IQCH: variants seen among roughly 807,000 people sequenced by gnomAD.
IQCH encodes IQ domain-containing protein H.
A neutral mutation model predicts 117.0 loss-of-function variants in IQCH; 98 were observed. That is an observed-to-expected ratio of 0.84 (90% CI 0.71 to 0.99). IQCH has a LOEUF of 0.99. IQCH is among the 50% of genes least tolerant of loss of function. The probability of loss-of-function intolerance (pLI) is 0.00; values close to 1 mark genes in which losing one functional copy is unlikely to be tolerated. For synonymous variants in IQCH, 412 were observed against 448.2 expected (o/e 0.92, Z 1.02); for missense variants, 1,102 against 1,243.8 (o/e 0.89, Z 1.72).
At chr15:67,258,491 A>G (rs1484984833) in intron 1 of IQCH, among the ~76,000 whole-genome samples, 2 of 149,080 alleles carry the variant, frequency 1.3e-5, no homozygotes, top group African/African-American at 5.0e-5. Context: ...AGATCGCGCC[A>G]TTGCACTCCA....
intron 16 of IQCH, among the ~76,000 whole-genome samples, chr15:67,441,464 T>TCACACTA (rs2082269797): frequency 6.6e-6 from 1 of 152,186 alleles, no homozygotes; most frequent in African/African-American, 2.4e-5. Context: ...TCTGGAGGCA[T>TCACACTA]CACACTACCT....
rs2083087535 is a variant in IQCH at position 67,472,226 on chromosome 15, G to A, written c.2677-3470G>A. 6.6e-6 allele frequency among the ~76,000 whole-genome samples: 1 copy of A among 152,196 alleles called. No individual in the cohort carries two copies. Among genetic ancestry groups the A allele is most frequent in the African/African-American group, 2.4e-5 (1 of 41,426 alleles). ...AGGACGTCCCCTAGCAGATGGGACA[G>A]AGTCCAAAGAAACCTGTGGTCTGCT... is the stretch of plus-strand genomic sequence containing the variant. On this transcript the variant is annotated intron_variant, in intron 17 of 20. Coordinates refer to ENST00000335894, the MANE Select transcript of IQCH (RefSeq NM_001031715.3). This position sits in a 1 kb window ranked among gnomAD's most constrained non-coding sequence, Gnocchi z 4.3.
Position 67,491,986 on chromosome 15 carries a change from G to A in IQCH, c.2861+1922G>A, listed in dbSNP as rs540754254. 4.5e-4 allele frequency among the ~76,000 whole-genome samples: 69 copies of A among 152,148 alleles called. No individual in the cohort carries two copies. Among genetic ancestry groups the A allele is most frequent in the African/African-American group, 1.6e-3 (68 of 41,482 alleles). On this transcript the variant is annotated intron_variant, in intron 19 of 20. Coordinates refer to ENST00000335894, the MANE Select transcript of IQCH (RefSeq NM_001031715.3). The surrounding 1 kb of genome is among the most constrained non-coding windows in gnomAD (Gnocchi z 4.9). ...GTCAACTGCTGACAAGCCATGAAAG[G>A]GGAGCAGCAGTTCACTAGTAGCCAG...
chr15:67,425,583 GC>G lies in IQCH; in HGVS notation c.2505+4008del, dbSNP rs1180809101. On this transcript the variant is annotated intron_variant, in intron 16 of 20. Transcript: ENST00000335894. This position sits in a 1 kb window ranked among gnomAD's most constrained non-coding sequence, Gnocchi z 5.5. ...GCCAAGATCGCGCCACTGCACTCCAGCCTGGGCGACAGAGCAAGACTCTGTC... is the reference window on the plus strand; with the variant it reads ...GCCAAGATCGCGCCACTGCACTCCAGCTGGGCGACAGAGCAAGACTCTGTC... Among the ~76,000 whole-genome samples the G allele has an allele frequency of 6.6e-6, 1 of 152,182 alleles. No homozygotes were observed. Among genetic ancestry groups the G allele is most frequent in the East Asian group, 1.9e-4 (1 of 5,202 alleles).
rs1000439058 is a variant in IQCH, at chr15:67,456,609, A to C, written c.2506-8518A>C. 6.6e-6 allele frequency among the ~76,000 whole-genome samples: 1 copy of C among 152,216 alleles called. No homozygotes were observed. Among genetic ancestry groups the C allele is most frequent in the Non-Finnish European group, 1.5e-5 (1 of 68,032 alleles). On this transcript the variant is annotated intron_variant, in intron 16 of 20. Coordinates refer to ENST00000335894, the MANE Select transcript of IQCH (RefSeq NM_001031715.3). This position sits in a 1 kb window ranked among gnomAD's most constrained non-coding sequence, Gnocchi z 5.1. ...TCTATTCCATGAGGATAATCATGGA[A>C]TATGATTTAGACATAACTGTATTAG...
Position 67,447,684 on chromosome 15 carries a change from G to A in IQCH, c.2506-17443G>A, listed in dbSNP as rs896200675. 6.6e-6 allele frequency among the ~76,000 whole-genome samples: 1 copy of A among 151,828 alleles called. No individual in the cohort carries two copies. The highest frequency in any genetic ancestry group is 2.4e-5 in the African/African-American group (1 of 41,174). On this transcript the variant is annotated intron_variant, in intron 16 of 20. Transcript: ENST00000335894. The surrounding 1 kb of genome is among the most constrained non-coding windows in gnomAD (Gnocchi z 5.3). ...GGACAGGAGAAGGTGGAAACATCTG[G>A]GACAAAGCTTTTCTGAGCCACCGGC...
At position 67,391,222 on chromosome 15, in the gene IQCH, A is replaced by G. The variant is rs187566635; in HGVS notation, c.1632+2216A>G. Among the ~76,000 whole-genome samples, 3 of 152,308 alleles carry G rather than the reference A, an allele frequency of 2.0e-5. No homozygotes were observed. The highest frequency in any genetic ancestry group is 3.9e-4 in the East Asian group (2 of 5,140). ...AGTAGAAACAAGTAGGCAAGGTTTT[A>G]AGTACTTAATAGTTCTCATAGCTCA... On this transcript the variant is annotated intron_variant, in intron 12 of 20. Coordinates refer to ENST00000335894, the MANE Select transcript of IQCH (RefSeq NM_001031715.3). This position sits in a 1 kb window ranked among gnomAD's most constrained non-coding sequence, Gnocchi z 4.3.
intron 16 of IQCH, among the ~76,000 whole-genome samples, chr15:67,439,684 G>T (rs929153593): frequency 2.6e-5 from 4 of 152,052 alleles, no homozygotes; most frequent in Non-Finnish European, 1.5e-5. Flanking sequence ...TCAAGAGTTT[G>T]AGACCAGCGT....
rs1490868180 is a variant in IQCH at position 67,381,572 on chromosome 15, C to T, written c.1373-3364C>T. ...GCTAATGAGGACCTGGAAAAAGCTA[C>T]AAATCCCACTTACCATTCTTTGAAT... On this transcript the variant is annotated intron_variant, in intron 10 of 20. Transcript: ENST00000335894. The surrounding 1 kb of genome is among the most constrained non-coding windows in gnomAD (Gnocchi z 5.1). 6.6e-6 allele frequency among the ~76,000 whole-genome samples: 1 copy of T among 152,164 alleles called. No individual in the cohort carries two copies. The highest frequency in any genetic ancestry group is 1.5e-5 in the Non-Finnish European group (1 of 68,022).
chr15:67,285,334 A>G (rs906335128), intron 4 of IQCH, among the ~76,000 whole-genome samples: 10 of 151,264 alleles, frequency 6.6e-5, no homozygotes, highest in Non-Finnish European at 1.5e-5. Context: ...TAAGTTCCTT[A>G]CAGATGCATC....
intron 12 of IQCH, among the ~76,000 whole-genome samples, chr15:67,389,934 GAGTTTCTAT>G (rs1971232218): frequency 6.6e-6 from 1 of 151,656 alleles, no homozygotes; most frequent in Non-Finnish European, 1.5e-5. Context: ...AGGACTGGGG[GAGTTTCTAT>G]AGCATTTCTA....
chr15:67,319,753 C>A (rs1388897509), intron 4 of IQCH, among the ~76,000 whole-genome samples: 2 of 152,092 alleles, frequency 1.3e-5, no homozygotes, highest in Non-Finnish European at 2.9e-5. Context: ...TCCCAATTTC[C>A]GAGTCATATA....
At chr15:67,319,557 G>A (rs1262101528) in intron 4 of IQCH, among the ~76,000 whole-genome samples, 3 of 152,166 alleles carry the variant, frequency 2.0e-5, no homozygotes, top group Admixed American at 1.3e-4. Context: ...AAGTAGACCA[G>A]GTGAAACTGT....
At chr15:67,499,215 C>G (rs945552938) in intron 20 of IQCH, among the ~76,000 whole-genome samples, 1 of 140,080 alleles carries the variant, frequency 7.1e-6, no homozygotes, top group Non-Finnish European at 1.5e-5. Flanking sequence ...GGGAGAATTG[C>G]TTGAGCCCAG....
intron 4 of IQCH, among the ~76,000 whole-genome samples, chr15:67,318,771 C>A (rs1278063898): frequency 6.6e-6 from 1 of 152,148 alleles, no homozygotes; most frequent in East Asian, 1.9e-4. Context: ...AAAGGTGACA[C>A]TGTAAGTCAA....
chr15:67,444,731 T>C (rs1452934981), intron 16 of IQCH, among the ~76,000 whole-genome samples: 1 of 152,228 alleles, frequency 6.6e-6, no homozygotes, highest in African/African-American at 2.4e-5. Context: ...CCAACACATA[T>C]GGATATCAAA....
intron 3 of IQCH, among the ~76,000 whole-genome samples, chr15:67,272,089 G>A (rs561120555): frequency 6.6e-6 from 1 of 151,940 alleles, no homozygotes; most frequent in Admixed American, 6.6e-5. Context: ...CTTTTTCACT[G>A]CCCCATAATT....
intron 18 of IQCH, among the ~76,000 whole-genome samples, chr15:67,485,921 T>G (rs2083462358): frequency 6.6e-6 from 1 of 151,854 alleles, no homozygotes; most frequent in Non-Finnish European, 1.5e-5. Context: ...CCTCCCAAAG[T>G]GCTGGGATTA....
intron 6 of IQCH, among the ~76,000 whole-genome samples, chr15:67,353,784 A>C (rs1440178297): frequency 6.6e-6 from 1 of 152,268 alleles, no homozygotes; most frequent in African/African-American, 2.4e-5. Flanking sequence ...TAGATACAGT[A>C]GAATTTTTAA....
Sources: allele counts gnomAD v4.1 joint callset (sites outside exome capture counted in the v4.1 genomes callset), GRCh38; gene constraint gnomAD v4.1.1; non-coding constraint Gnocchi (gnomAD v3.1); transcripts MANE v1.5; gene names NCBI Gene and HGNC (gene_info 2026-07-23, HGNC 2026-07-21).